Variants in F13A1 observed in about 807,000 individuals in gnomAD.
F13A1 encodes the protein FSF, A subunit.
In F13A1, 47 loss-of-function variants were observed where a neutral mutation model predicts 80.1. That is an observed-to-expected ratio of 0.59 (90% CI 0.46 to 0.75). F13A1 has a LOEUF of 0.75. F13A1 is among the 30% of genes least tolerant of loss of function. The pLI is 0.00. For synonymous variants in F13A1, 349 were observed against 344.9 expected (o/e 1.01, Z -0.13); for missense variants, 817 against 930.4 (o/e 0.88, Z 1.59).
intron 13 of F13A1, among the ~76,000 whole-genome samples, chr6:6,163,920 C>T (rs1479274962): frequency 2.0e-5 from 3 of 152,118 alleles, no homozygotes; most frequent in Admixed American, 6.5e-5. Flanking sequence ...AACTAGTTTA[C>T]ACTCCCACCA....
At chr6:6,222,251 G>T (rs78639283) in intron 7 of F13A1, 80 bp from the exon 8 acceptor site, 1,562 of 1,572,766 alleles carry the variant, frequency 9.9e-4, no homozygotes, top group Non-Finnish European at 1.2e-3. Flanking sequence ...TCTTGTAGGG[G>T]ACTTTCTTCC....
chr6:6,206,385 G>A (rs564135013), intron 8 of F13A1: 1 of 445,524 alleles, frequency 2.2e-6, no homozygotes, highest in Non-Finnish European at 4.6e-6. Flanking sequence ...TGATTAACCA[G>A]AACATGATTC....
chr6:6,165,040 A>T (rs1760642005), intron 13 of F13A1, among the ~76,000 whole-genome samples: 1 of 152,178 alleles, frequency 6.6e-6, no homozygotes, highest in African/African-American at 2.4e-5. Flanking sequence ...CCTTGGAGTT[A>T]GTTGGGCTAA....
intron 2 of F13A1, among the ~76,000 whole-genome samples, chr6:6,317,689 G>A (rs1561690244): frequency 6.6e-6 from 1 of 152,090 alleles, no homozygotes; most frequent in Non-Finnish European, 1.5e-5. Context: ...GCATGACCAT[G>A]CTCACCTATC....
At chr6:6,149,600 A>G (rs1760338043) in intron 14 of F13A1, among the ~76,000 whole-genome samples, 1 of 152,228 alleles carries the variant, frequency 6.6e-6, no homozygotes, top group African/African-American at 2.4e-5. Flanking sequence ...GTGAAAAGAC[A>G]GCCATCTGCA....
At chr6:6,207,357 C>T (rs188390604) in intron 8 of F13A1, among the ~76,000 whole-genome samples, 1 of 152,184 alleles carries the variant, frequency 6.6e-6, no homozygotes, top group African/African-American at 2.4e-5. Flanking sequence ...ATCTGATTCA[C>T]AGCTCATTCT....
At chr6:6,252,309 G>T (rs1474647840) in intron 4 of F13A1, among the ~76,000 whole-genome samples, 11 of 132,996 alleles carry the variant, frequency 8.3e-5, no homozygotes, top group African/African-American at 3.4e-4. Context: ...GAAAATTAAA[G>T]ATGGTTCATT....
Position 6,250,704 on chromosome 6 carries a change from G to T in F13A1, c.690+107C>A. ...TGGAGTCTCAGATCCTAAAAAGCAG[G>T]AAATTGTGCTTGTCTAATATCGATA... On this transcript the variant is annotated intron_variant, in intron 5 of 14. Coordinates refer to ENST00000264870, the MANE Select transcript of F13A1 (RefSeq NM_000129.4). This position sits in a 1 kb window ranked among gnomAD's most constrained non-coding sequence, Gnocchi z 4.2. 1 of 797,216 alleles carries T rather than the reference G, an allele frequency of 1.3e-6. No homozygotes were observed. The highest frequency in any genetic ancestry group is 2.2e-6 in the Non-Finnish European group (1 of 456,260). 49.4% of individuals were successfully genotyped at this position (797,216 alleles called of 1,614,324 possible). A position where few individuals can be genotyped will look rare whatever the true frequency, so the allele number is the denominator to read the frequency against.
intron 8 of F13A1, among the ~76,000 whole-genome samples, chr6:6,199,956 A>G (rs1234997379): frequency 6.6e-6 from 1 of 152,164 alleles, no homozygotes; most frequent in Non-Finnish European, 1.5e-5. Flanking sequence ...GAGTTGGGGA[A>G]GACTTTTGCC....
chr6:6,305,614 T>C (rs1758502271), intron 2 of F13A1, 75 bp from the exon 3 acceptor site: 6 of 1,506,664 alleles, frequency 4.0e-6, no homozygotes, highest in Non-Finnish European at 5.5e-6. Flanking sequence ...AAAAACAAGA[T>C]TATTTTCCCT....
chr6:6,306,071 A>G (rs1758508495), intron 2 of F13A1, among the ~76,000 whole-genome samples: 1 of 152,236 alleles, frequency 6.6e-6, no homozygotes, highest in African/African-American at 2.4e-5. Flanking sequence ...AAAAAGGGTC[A>G]AATGCCTCCT....
At chr6:6,272,984 C>T (rs1583104912) in intron 3 of F13A1, among the ~76,000 whole-genome samples, 2 of 152,262 alleles carry the variant, frequency 1.3e-5, no homozygotes, top group South Asian at 2.1e-4. Context: ...ACAATGACAG[C>T]GCATTCCTCC....
At chr6:6,312,756 G>T (rs1389606139) in intron 2 of F13A1, among the ~76,000 whole-genome samples, 1 of 151,796 alleles carries the variant, frequency 6.6e-6, no homozygotes, top group Non-Finnish European at 1.5e-5. Context: ...ATAAAACTTG[G>T]CTAAGAAGGG....
At chr6:6,293,975 A>T (rs1303161027) in intron 3 of F13A1, among the ~76,000 whole-genome samples, 1 of 152,152 alleles carries the variant, frequency 6.6e-6, no homozygotes, top group Non-Finnish European at 1.5e-5. Context: ...CAACAAAAAA[A>T]CTGAATGCAA....
chr6:6,310,492 C>G (rs1206033610), intron 2 of F13A1, among the ~76,000 whole-genome samples: 2 of 152,094 alleles, frequency 1.3e-5, no homozygotes, highest in Admixed American at 1.3e-4. Context: ...CAAGTACATT[C>G]TTAATAAATG....
intron 6 of F13A1, among the ~76,000 whole-genome samples, chr6:6,227,004 A>T (rs998153492): frequency 9.5e-5 from 14 of 148,060 alleles, no homozygotes; most frequent in Admixed American, 9.4e-4. Flanking sequence ...AACAGTTTTA[A>T]TAAATGTGTA....
intron 2 of F13A1, among the ~76,000 whole-genome samples, chr6:6,309,096 A>G (rs1370929731): frequency 6.6e-6 from 1 of 151,980 alleles, no homozygotes. Flanking sequence ...TTAACCCCTA[A>G]GTATGCATTT....
intron 6 of F13A1, among the ~76,000 whole-genome samples, chr6:6,247,655 G>C (rs1001940216): frequency 1.3e-5 from 2 of 152,182 alleles, no homozygotes; most frequent in Non-Finnish European, 2.9e-5. Context: ...ATCCTGCAGA[G>C]AGCGGCATGA....
intron 8 of F13A1, among the ~76,000 whole-genome samples, chr6:6,207,714 C>G (rs12204904): frequency 5.9e-5 from 9 of 152,070 alleles, no homozygotes; most frequent in African/African-American, 2.2e-4. Context: ...ACACACACAA[C>G]GCTACTTGGC....
Sources: allele counts gnomAD v4.1 joint callset (sites outside exome capture counted in the v4.1 genomes callset), GRCh38; gene constraint gnomAD v4.1.1; non-coding constraint Gnocchi (gnomAD v3.1); transcripts MANE v1.5; gene names NCBI Gene and HGNC (gene_info 2026-07-23, HGNC 2026-07-21).